The following NSMCE2 variants were observed in gnomAD, a reference collection of about 807,000 sequenced individuals.
The protein encoded by NSMCE2 is E3 SUMO-protein ligase NSE2.
NSMCE2 carries 24 observed loss-of-function variants against 23.8 expected under a neutral mutation model. The ratio of observed to expected loss-of-function variants is 1.01; its 90% CI spans 0.73 to 1.42. The LOEUF (loss-of-function observed/expected upper bound fraction) is 1.42, where lower values mean the gene tolerates loss of function less well. Ranked by LOEUF, NSMCE2 falls within the 40% of genes most tolerant of loss-of-function variation. The pLI is 0.00. For synonymous variants in NSMCE2, 92 were observed against 94.1 expected (o/e 0.98, Z 0.13); for missense variants, 284 against 296.5 (o/e 0.96, Z 0.31).
At chr8:125,309,015 C>T (rs180900302) in intron 5 of NSMCE2, among the ~76,000 whole-genome samples, 74 of 151,620 alleles carry the variant, frequency 4.9e-4, no homozygotes, top group East Asian at 3.3e-3. Flanking sequence ...GAGGCCGAGG[C>T]GGGTGGATCA....
rs754141034 is a variant in NSMCE2 at position 125,282,349 on chromosome 8, A to G, written c.419-74870A>G. On this transcript the variant is annotated intron_variant, in intron 5 of 7. Coordinates refer to ENST00000287437, the MANE Select transcript of NSMCE2 (RefSeq NM_173685.4). ...GGCTCGTCTCGAACTCCTGACCTCA[A>G]GTGATCTGCCCACCTTGGCCTCCCA... Among the ~76,000 whole-genome samples, 5 of 152,138 alleles carry G rather than the reference A, an allele frequency of 3.3e-5. No homozygotes were observed. In the East Asian group the frequency reaches 9.6e-4, roughly 29 times the overall value.
chr8:125,102,768 T>A (rs1435109093), intron 3 of NSMCE2, among the ~76,000 whole-genome samples: 2 of 152,204 alleles, frequency 1.3e-5, no homozygotes, highest in Non-Finnish European at 2.9e-5. Flanking sequence ...ATCTAAAGTA[T>A]TTGACATTTG....
intron 5 of NSMCE2, among the ~76,000 whole-genome samples, chr8:125,202,304 G>T (rs558463156): frequency 6.6e-5 from 10 of 152,330 alleles, no homozygotes; most frequent in African/African-American, 1.9e-4. Context: ...CGTCGATCAC[G>T]CTGGGAGCTG....
At chr8:125,292,768 G>C (rs1037728588) in intron 5 of NSMCE2, among the ~76,000 whole-genome samples, 11 of 152,170 alleles carry the variant, frequency 7.2e-5, no homozygotes, top group African/African-American at 2.7e-4. Context: ...AAAAATAAGA[G>C]CAAATCGATT....
intron 5 of NSMCE2, among the ~76,000 whole-genome samples, chr8:125,317,222 G>T (rs1434162568): frequency 2.0e-5 from 3 of 151,544 alleles, no homozygotes; most frequent in Non-Finnish European, 4.4e-5. Context: ...ATTGGAGACA[G>T]GGTCTCACTC....
chr8:125,125,238 C>G (rs983550555), intron 3 of NSMCE2, among the ~76,000 whole-genome samples: 1 of 152,162 alleles, frequency 6.6e-6, no homozygotes, highest in Non-Finnish European at 1.5e-5. Context: ...CAAGAGCATA[C>G]ATCCTTTTTA....
intron 5 of NSMCE2, among the ~76,000 whole-genome samples, chr8:125,352,634 A>G (rs1042418269): frequency 7.2e-5 from 11 of 152,192 alleles, no homozygotes; most frequent in African/African-American, 1.7e-4. Flanking sequence ...TTGTATCTCA[A>G]TTGTCTCAGG....
At chr8:125,097,888 A>C (rs536757251) in intron 1 of NSMCE2, among the ~76,000 whole-genome samples, 1 of 152,128 alleles carries the variant, frequency 6.6e-6, no homozygotes, top group South Asian at 2.1e-4. Flanking sequence ...ATACTGTGCT[A>C]ATTATGTTGA....
In NSMCE2 at chr8:125,351,571, T is replaced by A. The variant is rs146807493; in HGVS notation, c.419-5648T>A. On this transcript the variant is annotated intron_variant, in intron 5 of 7. Coordinates refer to ENST00000287437, the MANE Select transcript of NSMCE2 (RefSeq NM_173685.4). ...CTTCTAACAACATCGTCTATGTATA[T>A]AGAAAATAATATGACTAGTTTGCTT... is the stretch of plus-strand genomic sequence containing the variant. Among the ~76,000 whole-genome samples, 4 of 152,310 alleles carry A rather than the reference T, an allele frequency of 2.6e-5. No homozygotes were observed. In the East Asian group the frequency reaches 7.7e-4, roughly 29 times the overall value.
intron 3 of NSMCE2, among the ~76,000 whole-genome samples, chr8:125,141,537 G>T (rs971611215): frequency 6.6e-6 from 1 of 152,200 alleles, no homozygotes; most frequent in Non-Finnish European, 1.5e-5. Flanking sequence ...TAATAACACT[G>T]AATTCATGTT....
At chr8:125,351,574 A>G (rs1243674746) in intron 5 of NSMCE2, among the ~76,000 whole-genome samples, 1 of 152,226 alleles carries the variant, frequency 6.6e-6, no homozygotes, top group Non-Finnish European at 1.5e-5. Context: ...ATGTATATAG[A>G]AAATAATATG....
At chr8:125,194,798 G>A (rs774442330) in intron 5 of NSMCE2, among the ~76,000 whole-genome samples, 7 of 152,048 alleles carry the variant, frequency 4.6e-5, no homozygotes, top group South Asian at 2.1e-4. Context: ...ATTATTTTTC[G>A]TTTTGTTTTT....
rs570824115 is a variant in NSMCE2 at position 125,201,140 on chromosome 8, G to A, written c.418+18884G>A. Among the ~76,000 whole-genome samples, 16 of 152,256 alleles carry A rather than the reference G, an allele frequency of 1.1e-4. No individual in the cohort carries two copies. In the East Asian group the frequency reaches 2.1e-3, roughly 20 times the overall value. On this transcript the variant is annotated intron_variant, in intron 5 of 7. Coordinates refer to ENST00000287437, the MANE Select transcript of NSMCE2 (RefSeq NM_173685.4). ...ATGCTCCTTTAGCTTGGAGAAGTTT[G>A]TTATTACTGACCTTCTGAAGCCTAC...
chr8:125,245,244 C>T (rs2130992649), intron 5 of NSMCE2, among the ~76,000 whole-genome samples: 1 of 152,248 alleles, frequency 6.6e-6, no homozygotes, highest in East Asian at 1.9e-4. Context: ...TATTGCACCA[C>T]TGCACTCCAG....
chr8:125,349,966 G>C (rs1390651874), intron 5 of NSMCE2, among the ~76,000 whole-genome samples: 1 of 152,224 alleles, frequency 6.6e-6, no homozygotes. Context: ...ATGTGTTTGT[G>C]TTGCCACGTC....
chr8:125,259,528 A>C (rs1037222742), intron 5 of NSMCE2, among the ~76,000 whole-genome samples: 3 of 151,888 alleles, frequency 2.0e-5, no homozygotes, highest in Non-Finnish European at 4.4e-5. Flanking sequence ...CCCTGCCCCC[A>C]CCACACCCCA....
At chr8:125,317,088 A>G (rs13260832) in intron 5 of NSMCE2, among the ~76,000 whole-genome samples, 23,095 of 151,046 alleles carry the variant, frequency 0.15, 2,509 homozygotes, top group Non-Finnish European at 0.21. Flanking sequence ...CTCCTGGCCT[A>G]TTGTTTCTGA....
intron 5 of NSMCE2, among the ~76,000 whole-genome samples, chr8:125,328,428 A>G (rs1432910350): frequency 6.6e-6 from 1 of 152,232 alleles, no homozygotes; most frequent in African/African-American, 2.4e-5. Context: ...ATGAACGTGC[A>G]AATTGCTGAG....
chr8:125,151,535 C>T (rs1387781661), intron 4 of NSMCE2, among the ~76,000 whole-genome samples: 1 of 152,120 alleles, frequency 6.6e-6, no homozygotes, highest in African/African-American at 2.4e-5. Flanking sequence ...TTAGTGTAAG[C>T]CTCCTTTGAA....
Sources: gnomAD v4.1 joint callset for allele counts (sites outside exome capture counted in the v4.1 genomes callset) on GRCh38, gnomAD v4.1.1 for gene constraint, MANE v1.5 for transcripts, NCBI Gene and HGNC (gene_info 2026-07-23, HGNC 2026-07-21) for gene names.